The following DLEC1 variants were observed in gnomAD, a reference collection of about 807,000 sequenced individuals.
The protein encoded by DLEC1 is deleted in lung and esophageal cancer protein 1.
Under a neutral mutation model 198.1 loss-of-function variants are expected in DLEC1, and 146 were observed. The ratio of observed to expected loss-of-function variants is 0.74; its 90% CI spans 0.64 to 0.85. The LOEUF is 0.85. Among genes scored for constraint, DLEC1 ranks in the 40% least tolerant of loss-of-function variants. The probability of loss-of-function intolerance (pLI) is 0.00; values close to 1 mark genes in which losing one functional copy is unlikely to be tolerated. For missense variants in DLEC1, 2,233 were observed against 2,220.0 expected (o/e 1.01, Z -0.12); for synonymous variants, 897 against 866.8 (o/e 1.03, Z -0.61).
chr3:38,107,267 C>A (rs1699614235), intron 19 of DLEC1, among the ~76,000 whole-genome samples: 1 of 152,132 alleles, frequency 6.6e-6, no homozygotes, highest in Admixed American at 6.5e-5. Flanking sequence ...TGAAATAAGC[C>A]ACTTTGAAAT....
intron 10 of DLEC1, 22 bp from the exon 11 acceptor site, chr3:38,092,768 G>A (rs757053501): frequency 1.9e-5 from 31 of 1,611,970 alleles, no homozygotes; most frequent in Admixed American, 3.3e-5. Context: ...GGAGGTAACG[G>A]AACAACCCTT....
chr3:38,041,966 T>C (rs1700679920), intron 1 of DLEC1, among the ~76,000 whole-genome samples: 1 of 152,072 alleles, frequency 6.6e-6, no homozygotes, highest in Admixed American at 6.6e-5. Flanking sequence ...TATACCTGCA[T>C]TGTAGACAAA....
intron 33 of DLEC1, among the ~76,000 whole-genome samples, chr3:38,119,310 C>G (rs2125750022): frequency 6.6e-6 from 1 of 152,244 alleles, no homozygotes; most frequent in East Asian, 1.9e-4. Context: ...TTGTCCTGCC[C>G]CACATCTGTG....
intron 19 of DLEC1, 108 bp downstream of exon 19, chr3:38,100,533 T>C (rs1360424434): frequency 5.2e-6 from 7 of 1,340,968 alleles, no homozygotes; most frequent in African/African-American, 4.5e-5. Context: ...AACTATTGAA[T>C]CCAGAAAATT....
At chr3:38,053,568 G>A (rs1310326599) in intron 2 of DLEC1, among the ~76,000 whole-genome samples, 13 of 126,952 alleles carry the variant, frequency 1.0e-4, no homozygotes, top group South Asian at 2.5e-4. Flanking sequence ...TGCCCCGTCC[G>A]GGAGGTGGGG....
chr3:38,051,527 G>A (rs1342001769), intron 2 of DLEC1, among the ~76,000 whole-genome samples: 7 of 152,258 alleles, frequency 4.6e-5, no homozygotes, highest in African/African-American at 1.7e-4. Flanking sequence ...ACGACCATCA[G>A]TGAGTGACCA....
intron 6 of DLEC1, among the ~76,000 whole-genome samples, chr3:38,074,736 G>C (rs1038757856): frequency 6.6e-6 from 1 of 152,170 alleles, no homozygotes; most frequent in Middle Eastern, 3.2e-3. Context: ...ACTCTTTCCT[G>C]TTCATCTGGG....
chr3:38,121,851 G>T (rs1374578673), intron 35 of DLEC1, 70 bp downstream of exon 35: 6 of 1,573,312 alleles, frequency 3.8e-6, no homozygotes, highest in Non-Finnish European at 4.3e-6. Flanking sequence ...CCCCCAGGAA[G>T]GGGCCCCTGT....
At chr3:38,091,321 C>T (rs1420061505) in intron 10 of DLEC1, among the ~76,000 whole-genome samples, 4 of 151,916 alleles carry the variant, frequency 2.6e-5, no homozygotes, top group South Asian at 2.1e-4. Flanking sequence ...AAAAACTAGC[C>T]GGGTGTGGTG....
In DLEC1 at chr3:38,085,284, A is replaced by C; in HGVS notation, c.1272A>C (p.Pro424=). The change falls in exon 8 of 37, where the codon CCA becomes CCC. Residue 424 remains proline, a synonymous_variant. Transcript: ENST00000308059. ...PYFALGLGMF[P]GKGGMVAPGM... Reference sequence around the variant, plus strand: ...TTTTGTCATGCACAGGGATGTTCCCAGGAAAAGGTGGAATGGTGGCTCCTG... The same window carrying C: ...TTTTGTCATGCACAGGGATGTTCCCCGGAAAAGGTGGAATGGTGGCTCCTG... 1 of 1,614,148 alleles carries C rather than the reference A, an allele frequency of 6.2e-7. No individual in the cohort carries two copies. Among genetic ancestry groups the C allele is most frequent in the Non-Finnish European group, 8.5e-7 (1 of 1,180,016 alleles).
At chr3:38,084,705 C>G (rs954955998) in intron 7 of DLEC1, among the ~76,000 whole-genome samples, 1 of 151,430 alleles carries the variant, frequency 6.6e-6, no homozygotes, top group Non-Finnish European at 1.5e-5. Context: ...ACAGCCTGGG[C>G]CTGGACTCCC....
chr3:38,087,494 CACACCATCCATCAGCACTG>C (rs1643314991), intron 9 of DLEC1, among the ~76,000 whole-genome samples: 1 of 148,696 alleles, frequency 6.7e-6, no homozygotes, highest in Non-Finnish European at 1.5e-5. Context: ...TCAGCATGCT[CACACCATCCATCAGCACTG>C]ACACCATCCA....
intron 6 of DLEC1, among the ~76,000 whole-genome samples, chr3:38,082,703 G>T (rs1445201506): frequency 6.6e-6 from 1 of 151,792 alleles, no homozygotes; most frequent in Admixed American, 6.6e-5. Flanking sequence ...ACTCAGAAGG[G>T]GTTGGGGTAC....
At chr3:38,052,462 G>A (rs1302109701) in intron 2 of DLEC1, 7 of 211,468 alleles carry the variant, frequency 3.3e-5, no homozygotes, top group Non-Finnish European at 1.0e-5. Flanking sequence ...CGAAGAGGGA[G>A]CTGAAACCAG....
At chr3:38,062,941 G>A in intron 5 of DLEC1, 140 bp downstream of exon 5, 1 of 901,582 alleles carries the variant, frequency 1.1e-6, no homozygotes, top group Non-Finnish European at 1.6e-6. Context: ...AGGGCTGCAG[G>A]GTCACCCACT....
In DLEC1 at chr3:38,108,916, G is replaced by A. The variant is rs180903157; in HGVS notation, c.3129+401G>A. 1.7e-3 allele frequency among the ~76,000 whole-genome samples: 258 copies of A among 152,350 alleles called. 1 individual carries two copies. Among genetic ancestry groups the A allele is most frequent in the Admixed American group, 5.0e-3 (76 of 15,314 alleles). ...TAACTGGTACCTAGGTTTCCCGCTGGAGGCCACCAGGGTGGAATATGCTCA... is the reference window on the plus strand; with the variant it reads ...TAACTGGTACCTAGGTTTCCCGCTGAAGGCCACCAGGGTGGAATATGCTCA... On this transcript the variant is annotated intron_variant, in intron 21 of 36. Transcript: ENST00000308059.
intron 6 of DLEC1, among the ~76,000 whole-genome samples, chr3:38,078,640 T>C (rs1202029753): frequency 1.1e-4 from 16 of 152,256 alleles, no homozygotes; most frequent in African/African-American, 2.4e-4. Flanking sequence ...ATCTGTGAAG[T>C]CTTGCGGCAG....
chr3:38,043,077 C>T (rs1384702252), intron 1 of DLEC1, among the ~76,000 whole-genome samples: 2 of 152,114 alleles, frequency 1.3e-5, no homozygotes, highest in Non-Finnish European at 2.9e-5. Flanking sequence ...CTTCCCCAAG[C>T]CCACCTATAG....
intron 1 of DLEC1, 54 bp downstream of exon 1, chr3:38,039,690 G>A: frequency 6.6e-7 from 1 of 1,520,974 alleles, no homozygotes; most frequent in Non-Finnish European, 8.8e-7. Context: ...TCAGCGCTCG[G>A]CACGCGTCAG....
Sources: gnomAD v4.1 joint callset for allele counts (sites outside exome capture counted in the v4.1 genomes callset) on GRCh38, gnomAD v4.1.1 for gene constraint, MANE v1.5 for transcripts, NCBI Gene and HGNC (gene_info 2026-07-23, HGNC 2026-07-21) for gene names.